Variants in MTDH observed in about 807,000 individuals in gnomAD.
MTDH encodes the protein metadherin, also known as protein LYRIC.
Under a neutral mutation model 72.7 loss-of-function variants are expected in MTDH, and 34 were observed. The ratio of observed to expected loss-of-function variants is 0.47; its 90% CI spans 0.36 to 0.62. MTDH has a LOEUF of 0.62. Among genes scored for constraint, MTDH ranks in the 20% least tolerant of loss-of-function variants. The pLI is 0.00. For missense variants in MTDH, 677 were observed against 699.4 expected, an observed-to-expected ratio of 0.97 and a Z score of 0.36; for synonymous variants, 266 against 268.9, an observed-to-expected ratio of 0.99 and a Z score of 0.10.
chr8:97,687,563 C>T lies in MTDH; in HGVS notation c.703C>T (p.Leu235Phe). 1.2e-6 allele frequency: 2 copies of T among 1,611,770 alleles called. No individual in the cohort carries two copies. The highest frequency in any genetic ancestry group is 1.7e-6 in the Non-Finnish European group (2 of 1,179,042). Residue 235 changes from leucine to phenylalanine, a missense_variant, in exon 4 of 12, where the codon CTT becomes TTT. By Grantham distance (22) the Leu-to-Phe change is conservative (BLOSUM62 0). This residue lies in a region of MTDH where 467 missense variants were observed against 469.1 expected (regional missense o/e 1.00). Coordinates refer to ENST00000336273, the MANE Select transcript of MTDH (RefSeq NM_178812.4). ...ENTITVTTEQ[L>F]TTASFPVGSK... ...TACCATCACAGTTACCACCGAGCAA[C>T]TTACAACCGCATCATTTCCTGTTGG...
At chr8:97,723,724 C>T (rs1376325693) in intron 11 of MTDH, among the ~76,000 whole-genome samples, 1 of 151,372 alleles carries the variant, frequency 6.6e-6, no homozygotes, top group African/African-American at 2.4e-5. Flanking sequence ...ACCTGGGCGA[C>T]AGAGCAAGAC....
chr8:97,644,462 C>G lies in MTDH; in HGVS notation c.-45C>G. 1 of 1,526,728 alleles carries G rather than the reference C, an allele frequency of 6.5e-7. No homozygotes were observed. The highest frequency in any genetic ancestry group is 1.2e-5 in the South Asian group (1 of 82,852). The allele number at this position is 1,526,728 out of a possible 1,614,324, so 94.6% of individuals were successfully genotyped here. ...TTCCCTCGACTATTCCACTGCGTCT[C>G]CGCGCCCCGGCGTCATCCTGCGAGT... On this transcript the variant is annotated 5_prime_UTR_variant, in exon 1 of 12. Coordinates refer to ENST00000336273, the MANE Select transcript of MTDH (RefSeq NM_178812.4).
chr8:97,684,157 G>T (rs77627275), intron 2 of MTDH, among the ~76,000 whole-genome samples: 5 of 148,322 alleles, frequency 3.4e-5, no homozygotes, highest in African/African-American at 1.2e-4. Flanking sequence ...AAAAAAAAAC[G>T]ACTAGTCCAA....
Position 97,687,424 on chromosome 8 carries a change from G to T in MTDH, c.569-5G>T. 1 of 1,585,054 alleles carries T rather than the reference G, an allele frequency of 6.3e-7. No homozygotes were observed. The highest frequency in any genetic ancestry group is 8.6e-7 in the Non-Finnish European group (1 of 1,166,276). On this transcript the variant is annotated splice_region_variant and splice_polypyrimidine_tract_variant and intron_variant, in intron 3 of 11. Coordinates refer to ENST00000336273, the MANE Select transcript of MTDH (RefSeq NM_178812.4). Reference sequence around the variant, plus strand: ...AATAACATTTTTTTTCTGGGGCTATGTCAGGAGCCTGGGAAACTAAAATTA... The same window carrying T: ...AATAACATTTTTTTTCTGGGGCTATTTCAGGAGCCTGGGAAACTAAAATTA...
At position 97,644,437 on chromosome 8, in the gene MTDH, T is replaced by G; in HGVS notation, c.-70T>G. The G allele has an allele frequency of 6.7e-7, 1 of 1,495,870 alleles. No homozygotes were observed. Among genetic ancestry groups the G allele is most frequent in the Non-Finnish European group, 8.8e-7 (1 of 1,131,498 alleles). The allele number at this position is 1,495,870 out of a possible 1,614,324, so 92.7% of individuals were successfully genotyped here. A position where few individuals can be genotyped will look rare whatever the true frequency, so the allele number is the denominator to read the frequency against. ...GTTACCCGGCCCGGCCCTTCCTCGC[T>G]TCCCTCGACTATTCCACTGCGTCTC... is the stretch of plus-strand genomic sequence containing the variant. On this transcript the variant is annotated 5_prime_UTR_variant, in exon 1 of 12. Transcript: ENST00000336273.
intron 10 of MTDH, 73 bp downstream of exon 10, chr8:97,719,262 AG>A: frequency 2.0e-6 from 3 of 1,490,402 alleles, no homozygotes; most frequent in Non-Finnish European, 2.7e-6. Flanking sequence ...TGAGAGGCCA[AG>A]GTGGGCAGGT....
intron 2 of MTDH, among the ~76,000 whole-genome samples, chr8:97,682,228 CTTTATATATATATATA>C (rs1432420920): frequency 1.2e-3 from 52 of 44,026 alleles, no homozygotes; most frequent in Non-Finnish European, 1.6e-3. Flanking sequence ...TTGTTAATTA[CTTTATATATATATATA>C]TATATATATA....
At chr8:97,661,314 T>A (rs1312717534) in intron 2 of MTDH, 141 bp downstream of exon 2, 2 of 571,334 alleles carry the variant, frequency 3.5e-6, no homozygotes, top group African/African-American at 3.7e-5. Flanking sequence ...CCATAGTGGA[T>A]GGGTGGTAAA....
At chr8:97,675,318 TG>T (rs931022537) in intron 2 of MTDH, among the ~76,000 whole-genome samples, 3 of 151,748 alleles carry the variant, frequency 2.0e-5, no homozygotes, top group African/African-American at 7.3e-5. Flanking sequence ...CCCAGCACTT[TG>T]GGAGGCTGAG....
chr8:97,644,420 G>GC lies in MTDH; in HGVS notation c.-84dup. On this transcript the variant is annotated 5_prime_UTR_variant, in exon 1 of 12. Coordinates refer to ENST00000336273, the MANE Select transcript of MTDH (RefSeq NM_178812.4). ...GATGCGCTCGGCCTGAGGTTACCCGGCCCGGCCCTTCCTCGCTTCCCTCGA... is the reference window on the plus strand; with the variant it reads ...GATGCGCTCGGCCTGAGGTTACCCGGCCCCGGCCCTTCCTCGCTTCCCTCGA... The GC allele has an allele frequency of 9.5e-6, 14 of 1,479,114 alleles. No homozygotes were observed. The highest frequency in any genetic ancestry group is 1.3e-5 in the Non-Finnish European group (14 of 1,119,516). The allele number at this position is 1,479,114 out of a possible 1,614,324, so 91.6% of individuals were successfully genotyped here.
At chr8:97,723,285 C>T (rs1022839083) in intron 11 of MTDH, among the ~76,000 whole-genome samples, 1 of 151,260 alleles carries the variant, frequency 6.6e-6, no homozygotes, top group African/African-American at 2.4e-5. Context: ...GTAGTCCCAG[C>T]TACTCGGGAG....
At chr8:97,706,862 T>G in intron 8 of MTDH, 112 bp downstream of exon 8, 2 of 1,301,244 alleles carry the variant, frequency 1.5e-6, no homozygotes, top group South Asian at 3.5e-5. Flanking sequence ...GAGGATTGCT[T>G]GAGCCCAGGA....
At chr8:97,720,402 C>A (rs940207660) in intron 10 of MTDH, among the ~76,000 whole-genome samples, 4 of 151,986 alleles carry the variant, frequency 2.6e-5, no homozygotes, top group African/African-American at 9.7e-5. Context: ...CATGGCTAGA[C>A]TCAGTATTTA....
chr8:97,680,246 A>G (rs547305660), intron 2 of MTDH, among the ~76,000 whole-genome samples: 29 of 151,964 alleles, frequency 1.9e-4, no homozygotes, highest in African/African-American at 6.8e-4. Context: ...CTAATTTTTT[A>G]TTTTTTGTAG....
At chr8:97,669,385 C>T (rs780203268) in intron 2 of MTDH, among the ~76,000 whole-genome samples, 24 of 151,660 alleles carry the variant, frequency 1.6e-4, no homozygotes, top group African/African-American at 4.4e-4. Flanking sequence ...TGACCTCAAG[C>T]GATCCACCTG....
intron 1 of MTDH, among the ~76,000 whole-genome samples, chr8:97,658,719 A>G (rs1388470066): frequency 6.6e-6 from 1 of 152,234 alleles, no homozygotes; most frequent in East Asian, 1.9e-4. Context: ...AGGAGACTAT[A>G]GAACTGAAGC....
At chr8:97,696,818 T>C (rs1813850692) in intron 6 of MTDH, among the ~76,000 whole-genome samples, 1 of 151,968 alleles carries the variant, frequency 6.6e-6, no homozygotes, top group Non-Finnish European at 1.5e-5. Flanking sequence ...ATTTAACAAA[T>C]ATTACATAAA....
intron 1 of MTDH, among the ~76,000 whole-genome samples, chr8:97,655,350 A>G (rs1811927989): frequency 6.6e-6 from 1 of 152,236 alleles, no homozygotes; most frequent in African/African-American, 2.4e-5. Flanking sequence ...ATAGCACTCT[A>G]CTGAGTGAAT....
At chr8:97,697,119 C>CAAAAAAAAAAA (rs1176302781) in intron 6 of MTDH, among the ~76,000 whole-genome samples, 23 of 63,014 alleles carry the variant, frequency 3.6e-4, no homozygotes, top group African/African-American at 2.3e-3. Context: ...CTCTGTCTCA[C>CAAAAAAAAAAA]AAAAAAAAAA....
Sources: gnomAD v4.1 joint callset for allele counts (sites outside exome capture counted in the v4.1 genomes callset) on GRCh38, gnomAD v4.1.1 for gene constraint, gnomAD v4.1.1 regional missense constraint, MANE v1.5 for transcripts, NCBI Gene and HGNC (gene_info 2026-07-23, HGNC 2026-07-21) for gene names.